Variants in RTL4 observed in about 807,000 individuals in gnomAD.
RTL4 encodes the protein retrotransposon Gag-like protein 4.
In RTL4, 4 loss-of-function variants were observed where a neutral mutation model predicts 5.3. The ratio of observed to expected loss-of-function variants is 0.75; its 90% CI spans 0.37 to 1.72. The LOEUF (loss-of-function observed/expected upper bound fraction) is 1.72, where lower values mean the gene tolerates loss of function less well. Among genes scored for constraint, RTL4 ranks in the 40% most tolerant of loss-of-function variants. RTL4 has a pLI of 0.04. For missense variants in RTL4, 260 were observed against 227.1 expected, an observed-to-expected ratio of 1.14 and a Z score of -0.93; for synonymous variants, 98 against 87.3, an observed-to-expected ratio of 1.12 and a Z score of -0.68.
the RTL4 span, among the ~76,000 whole-genome samples, chrX:112,402,083 C>A: frequency 2.7e-5 from 3 of 111,980 alleles, 1 homozygote; most frequent in Non-Finnish European, 3.8e-5. Flanking sequence ...ATCTATCTCT[C>A]AAGAACCAAC....
the RTL4 span, among the ~76,000 whole-genome samples, chrX:112,153,303 G>A: frequency 0.027 from 3,055 of 111,697 alleles, 52 homozygotes; most frequent in Non-Finnish European, 0.042. Context: ...TAGATTTTCT[G>A]CTTTCCATGT....
the RTL4 span, among the ~76,000 whole-genome samples, chrX:112,101,102 A>C: frequency 2.7e-5 from 3 of 112,004 alleles, no homozygotes; most frequent in Non-Finnish European, 5.7e-5. Flanking sequence ...TTTTCATGAA[A>C]CGTTAAAAAA....
chrX:112,230,243 G>A, the RTL4 span, among the ~76,000 whole-genome samples: 6 of 112,156 alleles, frequency 5.3e-5, no homozygotes, highest in African/African-American at 1.6e-4. Flanking sequence ...CGCCCCTTCC[G>A]CAGCCTCACT....
the RTL4 span, among the ~76,000 whole-genome samples, chrX:112,379,607 T>A: frequency 8.9e-6 from 1 of 111,941 alleles, no homozygotes; most frequent in African/African-American, 3.2e-5. Context: ...CAGAAGGAAA[T>A]TTATAACATT....
At chrX:112,290,500 A>G in the RTL4 span, among the ~76,000 whole-genome samples, 1 of 112,323 alleles carries the variant, frequency 8.9e-6, no homozygotes, top group Non-Finnish European at 1.9e-5. Flanking sequence ...TAGCATGGCA[A>G]TAAAATCAGG....
chrX:112,326,357 G>C, the RTL4 span, among the ~76,000 whole-genome samples: 2 of 111,763 alleles, frequency 1.8e-5, no homozygotes, highest in African/African-American at 3.3e-5. Flanking sequence ...CAAGGGGTCA[G>C]GGAGTTCCCT....
chrX:112,250,217 T>C, the RTL4 span, among the ~76,000 whole-genome samples: 1 of 109,346 alleles, frequency 9.1e-6, no homozygotes, highest in Non-Finnish European at 1.9e-5. Context: ...AGGCGGAGCT[T>C]GCAGTGAGCC....
At chrX:112,303,462 G>A in the RTL4 span, among the ~76,000 whole-genome samples, 30,273 of 105,618 alleles carry the variant, frequency 0.29, 4,155 homozygotes, top group African/African-American at 0.47. Flanking sequence ...TTGTAGGGAC[G>A]TGGATGAAAT....
chrX:112,095,068 G>A, the RTL4 span, among the ~76,000 whole-genome samples: 2 of 111,021 alleles, frequency 1.8e-5, no homozygotes, highest in African/African-American at 6.5e-5. Flanking sequence ...GAGAAGGAAA[G>A]AGAAGATAAT....
the RTL4 span, among the ~76,000 whole-genome samples, chrX:112,169,028 C>T: frequency 6.6e-3 from 134 of 20,452 alleles, 1 homozygote; most frequent in African/African-American, 0.022. Context: ...TTCTCTTTCT[C>T]TTTCTTTCTT....
the RTL4 span, among the ~76,000 whole-genome samples, chrX:112,185,370 T>G: frequency 1.1e-5 from 1 of 86,990 alleles, no homozygotes; most frequent in African/African-American, 5.1e-5. Flanking sequence ...CATCAGCTAT[T>G]TTATTAATAT....
chrX:112,228,206 A>T, the RTL4 span, among the ~76,000 whole-genome samples: 3 of 110,932 alleles, frequency 2.7e-5, no homozygotes, highest in Non-Finnish European at 5.7e-5. Context: ...TCAATAATAA[A>T]AAAAAAAAGT....
At chrX:112,305,529 A>AT in the RTL4 span, among the ~76,000 whole-genome samples, 1 of 108,625 alleles carries the variant, frequency 9.2e-6, no homozygotes, top group Non-Finnish European at 1.9e-5. Context: ...CGCCCAGCTA[A>AT]TTTTTTGTAT....
chrX:112,304,989 G>A, the RTL4 span, among the ~76,000 whole-genome samples: 6 of 109,596 alleles, frequency 5.5e-5, no homozygotes, highest in East Asian at 2.9e-4. Context: ...TGTCAAAAAC[G>A]TGAAAAAAAT....
At chrX:112,129,533 C>A in the RTL4 span, among the ~76,000 whole-genome samples, 1 of 111,936 alleles carries the variant, frequency 8.9e-6, no homozygotes, top group African/African-American at 3.2e-5. Flanking sequence ...CAAAAACACA[C>A]CAACTACAGC....
chrX:112,205,290 T>A, the RTL4 span, among the ~76,000 whole-genome samples: 1 of 111,192 alleles, frequency 9.0e-6, no homozygotes, highest in African/African-American at 3.3e-5. Context: ...AAAACATCCT[T>A]GTATAATTAA....
chrX:112,223,142 A>T, the RTL4 span, among the ~76,000 whole-genome samples: 1 of 111,965 alleles, frequency 8.9e-6, no homozygotes, highest in Non-Finnish European at 1.9e-5. Flanking sequence ...TCAAGCTGTC[A>T]CTAGTTAATT....
the RTL4 span, among the ~76,000 whole-genome samples, chrX:112,287,098 A>AT: frequency 8.0e-5 from 9 of 111,894 alleles, no homozygotes; most frequent in Non-Finnish European, 1.7e-4. Flanking sequence ...CGTCTTACTT[A>AT]TTTTTGTGTC....
chrX:112,388,333 C>A, the RTL4 span, among the ~76,000 whole-genome samples: 8 of 111,970 alleles, frequency 7.1e-5, no homozygotes, highest in South Asian at 2.6e-3. Context: ...ATGGGTTTTT[C>A]TAGATATAGA....
Sources: gnomAD v4.1 joint callset for allele counts (sites outside exome capture counted in the v4.1 genomes callset) on GRCh38, gnomAD v4.1.1 for gene constraint, MANE v1.5 for transcripts, NCBI Gene and HGNC (gene_info 2026-07-23, HGNC 2026-07-21) for gene names.